The following TMEM178B variants were observed in gnomAD, a reference collection of about 807,000 sequenced individuals.
TMEM178B encodes the protein transmembrane protein 178B.
A neutral mutation model predicts 31.0 loss-of-function variants in TMEM178B; 5 were observed. That is an observed-to-expected ratio of 0.16 (90% confidence interval 0.08 to 0.34). TMEM178B has a LOEUF of 0.34. TMEM178B is among the 10% of genes least tolerant of loss of function. TMEM178B has a pLI of 1.00. For synonymous variants in TMEM178B, 164 were observed against 164.0 expected (o/e 1.00, Z 0.00); for missense variants, 275 against 400.3 (o/e 0.69, Z 2.67).
chr7:141,086,346 TATTAAA>T (rs1427393136), intron 1 of TMEM178B, among the ~76,000 whole-genome samples: 1 of 152,218 alleles, frequency 6.6e-6, no homozygotes, highest in African/African-American at 2.4e-5. Context: ...TTAATATTAA[TATTAAA>T]ACATGTATTT....
chr7:141,508,967 CT>C, the TMEM178B span, among the ~76,000 whole-genome samples: 15 of 152,330 alleles, frequency 9.8e-5, no homozygotes, highest in Admixed American at 9.8e-4. Context: ...ACACTGATTT[CT>C]TAAGCTCGTG....
At chr7:141,098,867 T>C (rs1287648558) in intron 1 of TMEM178B, among the ~76,000 whole-genome samples, 1 of 152,236 alleles carries the variant, frequency 6.6e-6, no homozygotes, top group African/African-American at 2.4e-5. Flanking sequence ...TCTCCAGTTG[T>C]GATTTCTTTG....
chr7:141,100,062 G>A (rs192224057), intron 1 of TMEM178B, among the ~76,000 whole-genome samples: 8 of 152,024 alleles, frequency 5.3e-5, no homozygotes, highest in Non-Finnish European at 8.8e-5. Context: ...CTCGTGATCC[G>A]CCCGCCTTGG....
intron 2 of TMEM178B, among the ~76,000 whole-genome samples, chr7:141,282,672 G>C (rs930882703): frequency 1.3e-5 from 2 of 152,174 alleles, no homozygotes; most frequent in African/African-American, 4.8e-5. Flanking sequence ...TATTGACTTA[G>C]TATGAGTCCC....
intron 1 of TMEM178B, among the ~76,000 whole-genome samples, chr7:141,081,337 A>G (rs1426172661): frequency 6.6e-6 from 1 of 152,192 alleles, no homozygotes; most frequent in African/African-American, 2.4e-5. Context: ...CTTATAGGAT[A>G]AGGATATAAA....
At chr7:141,389,627 G>A (rs554283861) in intron 2 of TMEM178B, among the ~76,000 whole-genome samples, 42 of 152,274 alleles carry the variant, frequency 2.8e-4, no homozygotes, top group African/African-American at 9.6e-4. Flanking sequence ...CAGCTGTCAC[G>A]AGGCAGCACC....
chr7:141,338,901 A>G (rs1049750274), intron 2 of TMEM178B, among the ~76,000 whole-genome samples: 1 of 152,224 alleles, frequency 6.6e-6, no homozygotes, highest in African/African-American at 2.4e-5. Flanking sequence ...TTTCTTGCCC[A>G]TCACAAATAA....
the TMEM178B span, among the ~76,000 whole-genome samples, chr7:141,485,949 A>G: frequency 1.3e-5 from 2 of 152,228 alleles, no homozygotes; most frequent in African/African-American, 2.4e-5. Context: ...TTTAGCTTGT[A>G]TGTTCACTGC....
intron 2 of TMEM178B, among the ~76,000 whole-genome samples, chr7:141,253,544 C>CTTTTTTTTTTTTTTTT (rs34199017): frequency 1.4e-5 from 1 of 70,032 alleles, no homozygotes; most frequent in Non-Finnish European, 2.5e-5. Flanking sequence ...ATTTTCCCTT[C>CTTTTTTTTTTTTTTTT]TTTTTTTTTT....
rs561761486 is a variant in TMEM178B, at chr7:141,385,349, A to G, written c.497-52259A>G. Among the ~76,000 whole-genome samples the G allele has an allele frequency of 1.8e-3, 279 of 152,298 alleles. 1 individual carries two copies. Among genetic ancestry groups the G allele is most frequent in the African/African-American group, 6.3e-3 (263 of 41,576 alleles). On this transcript the variant is annotated intron_variant, in intron 2 of 3. Coordinates refer to ENST00000565468, the MANE Select transcript of TMEM178B (RefSeq NM_001195278.2). ...ATACATAATATGGCCCTGCCATAAG[A>G]TGGTCTGCTCTAGGGGCATTCTCAC...
chr7:141,104,253 T>C (rs1303842309), intron 1 of TMEM178B, among the ~76,000 whole-genome samples: 3 of 152,182 alleles, frequency 2.0e-5, no homozygotes, highest in Non-Finnish European at 4.4e-5. Context: ...GCCCCTGCTG[T>C]AGAGGTGAAG....
At chr7:141,094,349 G>A (rs1794924581) in intron 1 of TMEM178B, among the ~76,000 whole-genome samples, 2 of 152,182 alleles carry the variant, frequency 1.3e-5, no homozygotes, top group African/African-American at 4.8e-5. Flanking sequence ...TTAGAAGAGA[G>A]TTTCTATAGT....
At chr7:141,437,988 T>C (rs1403582692) in intron 3 of TMEM178B, among the ~76,000 whole-genome samples, 1 of 152,158 alleles carries the variant, frequency 6.6e-6, no homozygotes, top group Non-Finnish European at 1.5e-5. Flanking sequence ...TGACTGCCTG[T>C]GTGGAAGAAA....
intron 2 of TMEM178B, among the ~76,000 whole-genome samples, chr7:141,337,962 C>T (rs1799453164): frequency 6.6e-6 from 1 of 152,100 alleles, no homozygotes; most frequent in African/African-American, 2.4e-5. Flanking sequence ...CTCAGCCTCC[C>T]AAGTAGCTGG....
At chr7:141,251,742 T>C (rs920549167) in intron 2 of TMEM178B, among the ~76,000 whole-genome samples, 2 of 152,214 alleles carry the variant, frequency 1.3e-5, no homozygotes, top group Non-Finnish European at 2.9e-5. Context: ...CCCACGGTCC[T>C]CTGTCCAAGG....
intron 2 of TMEM178B, among the ~76,000 whole-genome samples, chr7:141,408,874 AG>A (rs1800932260): frequency 6.6e-6 from 1 of 152,172 alleles, no homozygotes; most frequent in Non-Finnish European, 1.5e-5. Flanking sequence ...GCTGGTGAAG[AG>A]GCACAGGGTA....
chr7:141,289,714 C>CAAAAAAA (rs35000633), intron 2 of TMEM178B, among the ~76,000 whole-genome samples: 5 of 92,314 alleles, frequency 5.4e-5, no homozygotes, highest in Non-Finnish European at 8.7e-5. Context: ...GACCCTGTCT[C>CAAAAAAA]AAAAAAAAAA....
At chr7:141,087,298 A>G (rs1371027984) in intron 1 of TMEM178B, among the ~76,000 whole-genome samples, 1 of 152,174 alleles carries the variant, frequency 6.6e-6, no homozygotes, top group Non-Finnish European at 1.5e-5. Flanking sequence ...TGTAGACAGA[A>G]TAACATTTTG....
intron 2 of TMEM178B, among the ~76,000 whole-genome samples, chr7:141,285,738 A>G (rs144270576): frequency 0.022 from 3,374 of 152,342 alleles, 45 homozygotes; most frequent in South Asian, 0.039. Flanking sequence ...TGTGGCACAT[A>G]TACACCATGG....
Sources: allele counts gnomAD v4.1 joint callset (sites outside exome capture counted in the v4.1 genomes callset), GRCh38; gene constraint gnomAD v4.1.1; transcripts MANE v1.5; gene names NCBI Gene and HGNC (gene_info 2026-07-23, HGNC 2026-07-21).